Variants in CHCHD6 observed in about 807,000 individuals in gnomAD.
CHCHD6 encodes the protein MICOS complex subunit MIC25.
A neutral mutation model predicts 32.3 loss-of-function variants in CHCHD6; 28 were observed. The ratio of observed to expected loss-of-function variants is 0.87; its 90% CI spans 0.64 to 1.19. The LOEUF (loss-of-function observed/expected upper bound fraction) is 1.19, where lower values mean the gene tolerates loss of function less well. Among genes scored for constraint, CHCHD6 ranks in the 50% most tolerant of loss-of-function variants. The pLI, the probability that CHCHD6 is intolerant of heterozygous loss-of-function variation, is 0.00. For synonymous variants in CHCHD6, 122 were observed against 117.5 expected (o/e 1.04, Z -0.25); for missense variants, 333 against 307.0 (o/e 1.08, Z -0.63).
intron 6 of CHCHD6, among the ~76,000 whole-genome samples, chr3:126,922,492 T>C (rs1198468162): frequency 6.6e-6 from 1 of 152,190 alleles, no homozygotes; most frequent in Non-Finnish European, 1.5e-5. Flanking sequence ...CTTACCTTGC[T>C]CTTTTCTGCT....
At chr3:126,955,148 A>G (rs77695111) in intron 6 of CHCHD6, among the ~76,000 whole-genome samples, 2 of 152,376 alleles carry the variant, frequency 1.3e-5, no homozygotes, top group Non-Finnish European at 2.9e-5. Flanking sequence ...TAAAAAGCCC[A>G]CAACTAGACA....
intron 1 of CHCHD6, 78 bp from the exon 2 acceptor site, chr3:126,727,000 C>T: frequency 1.0e-6 from 1 of 959,844 alleles, no homozygotes; most frequent in Non-Finnish European, 1.7e-6. Context: ...AAATCTGGGG[C>T]CTGAATAAAG....
intron 6 of CHCHD6, among the ~76,000 whole-genome samples, chr3:126,939,963 C>G (rs956986043): frequency 2.2e-4 from 33 of 152,224 alleles, no homozygotes; most frequent in African/African-American, 7.5e-4. Context: ...CCTTTTAAAT[C>G]TCTCCTGGAA....
At chr3:126,870,757 G>A (rs2077456886) in intron 5 of CHCHD6, among the ~76,000 whole-genome samples, 1 of 152,202 alleles carries the variant, frequency 6.6e-6, no homozygotes, top group Non-Finnish European at 1.5e-5. Context: ...GACAAAAGGT[G>A]ACAACATGGG....
intron 5 of CHCHD6, among the ~76,000 whole-genome samples, chr3:126,863,431 T>A (rs1262065243): frequency 4.4e-5 from 4 of 90,354 alleles, no homozygotes; most frequent in Admixed American, 1.2e-4. Flanking sequence ...CTCCTCCTCC[T>A]CCACCATCAC....
At chr3:126,925,760 T>C (rs1192674976) in intron 6 of CHCHD6, among the ~76,000 whole-genome samples, 1 of 152,186 alleles carries the variant, frequency 6.6e-6, no homozygotes, top group Non-Finnish European at 1.5e-5. Context: ...TAACCCCTGC[T>C]CCAGCACCGG....
chr3:126,881,188 G>C (rs2077604401), intron 5 of CHCHD6, among the ~76,000 whole-genome samples: 1 of 152,186 alleles, frequency 6.6e-6, no homozygotes, highest in South Asian at 2.1e-4. Flanking sequence ...TGTCCTCGTA[G>C]GCCTCCCAGG....
chr3:126,859,517 A>G (rs1941781078), intron 5 of CHCHD6, among the ~76,000 whole-genome samples: 1 of 152,244 alleles, frequency 6.6e-6, no homozygotes, highest in Non-Finnish European at 1.5e-5. Context: ...GAGAAGTATC[A>G]GACAGGGAGT....
intron 4 of CHCHD6, among the ~76,000 whole-genome samples, chr3:126,793,572 A>G (rs894275284): frequency 1.3e-5 from 2 of 152,158 alleles, no homozygotes; most frequent in Admixed American, 1.3e-4. Context: ...GAGCCACATC[A>G]GACAGTGACA....
At chr3:126,786,782 C>G (rs1938234641) in intron 4 of CHCHD6, among the ~76,000 whole-genome samples, 1 of 152,182 alleles carries the variant, frequency 6.6e-6, no homozygotes, top group African/African-American at 2.4e-5. Context: ...GTTGTCTGTT[C>G]ACTCTGATGG....
intron 4 of CHCHD6, among the ~76,000 whole-genome samples, chr3:126,837,108 A>G (rs916824186): frequency 2.0e-5 from 3 of 152,186 alleles, no homozygotes; most frequent in Non-Finnish European, 4.4e-5. Flanking sequence ...TGCAGAGATG[A>G]TATCATGATG....
chr3:126,793,226 A>G (rs1419636235), intron 4 of CHCHD6, among the ~76,000 whole-genome samples: 1 of 152,012 alleles, frequency 6.6e-6, no homozygotes, highest in South Asian at 2.1e-4. Flanking sequence ...GTAATTAATG[A>G]TATGTTAGGA....
At chr3:126,803,867 C>T (rs1432162815) in intron 4 of CHCHD6, among the ~76,000 whole-genome samples, 2 of 152,184 alleles carry the variant, frequency 1.3e-5, no homozygotes, top group African/African-American at 2.4e-5. Flanking sequence ...AACTGTCTCT[C>T]AGACCACAGT....
intron 4 of CHCHD6, among the ~76,000 whole-genome samples, chr3:126,833,473 T>A (rs1393437646): frequency 6.6e-6 from 1 of 152,222 alleles, no homozygotes; most frequent in African/African-American, 2.4e-5. Flanking sequence ...TTTGTTAGAA[T>A]CATTCACACA....
At chr3:126,927,542 CA>C (rs1377715786) in intron 6 of CHCHD6, among the ~76,000 whole-genome samples, 1 of 152,164 alleles carries the variant, frequency 6.6e-6, no homozygotes, top group Non-Finnish European at 1.5e-5. Context: ...ATCCATGACT[CA>C]AAAAACTGGG....
intron 4 of CHCHD6, among the ~76,000 whole-genome samples, chr3:126,739,976 T>C (rs893042204): frequency 1.3e-5 from 2 of 152,226 alleles, no homozygotes; most frequent in Non-Finnish European, 2.9e-5. Context: ...AAATAGTGTT[T>C]ATGCCCAGAA....
chr3:126,730,451 C>T, intron 2 of CHCHD6, 110 bp from the exon 3 acceptor site: 1 of 851,060 alleles, frequency 1.2e-6, no homozygotes, highest in Non-Finnish European at 1.9e-6. Flanking sequence ...GTGATGCTGC[C>T]TTCCAAGGGG....
chr3:126,866,812 T>G (rs1374792601), intron 5 of CHCHD6, among the ~76,000 whole-genome samples: 2 of 152,336 alleles, frequency 1.3e-5, no homozygotes, highest in African/African-American at 4.8e-5. Flanking sequence ...CCATGAAGTT[T>G]CCCCCTACGT....
intron 5 of CHCHD6, among the ~76,000 whole-genome samples, chr3:126,857,539 TCTCA>T: frequency 6.6e-6 from 1 of 152,260 alleles, no homozygotes; most frequent in South Asian, 2.1e-4. Context: ...CCTGCTGTTT[TCTCA>T]CTGACACCGC....
Sources: allele counts gnomAD v4.1 joint callset (sites outside exome capture counted in the v4.1 genomes callset), GRCh38; gene constraint gnomAD v4.1.1; transcripts MANE v1.5; gene names NCBI Gene and HGNC (gene_info 2026-07-23, HGNC 2026-07-21).